The following LRRC19 variants were observed in gnomAD, a reference collection of about 807,000 sequenced individuals.
LRRC19 encodes leucine-rich repeat-containing protein 19.
LRRC19 carries 33 observed loss-of-function variants against 33.3 expected under a neutral mutation model. That is an observed-to-expected ratio of 0.99 (90% CI 0.75 to 1.33). The LOEUF (loss-of-function observed/expected upper bound fraction) is 1.33, where lower values mean the gene tolerates loss of function less well. Among genes scored for constraint, LRRC19 ranks in the 40% most tolerant of loss-of-function variants. The probability of loss-of-function intolerance (pLI) is 0.00; values close to 1 mark genes in which losing one functional copy is unlikely to be tolerated. For missense variants in LRRC19, 463 were observed against 417.3 expected, an observed-to-expected ratio of 1.11 and a Z score of -0.95; for synonymous variants, 184 against 152.3, an observed-to-expected ratio of 1.21 and a Z score of -1.53.
chr9:26,996,377 T>A lies in LRRC19; in HGVS notation c.718A>T (p.Ile240Phe). Residue 240 changes from isoleucine to phenylalanine, a missense_variant, in exon 4 of 5, where the codon ATT (isoleucine) becomes TTT (phenylalanine). Physicochemically the swap from Ile to Phe is conservative, Grantham distance 21. Transcript: ENST00000380055. ...FPSSVTEDLY[I>F]HFQPISNSIF... is the part of the protein sequence containing the mutation. ...GAATTGCTGATGGGCTGAAAATGAA[T>A]ATAAAGATCTTCAGTTACTGATGAA... 1.2e-6 allele frequency: 2 copies of A among 1,609,590 alleles called. No individual in the cohort carries two copies. The highest frequency in any genetic ancestry group is 1.7e-6 in the Non-Finnish European group (2 of 1,177,152).
rs760138937 is a variant in LRRC19, at chr9:26,993,541, T to A, written c.*1980A>T. 5 of 152,602 alleles carry A rather than the reference T, an allele frequency of 3.3e-5. No homozygotes were observed. The highest frequency in any genetic ancestry group is 7.4e-5 in the Non-Finnish European group (5 of 68,020). 9.5% of individuals were successfully genotyped at this position (152,602 alleles called of 1,614,324 possible). A position where few individuals can be genotyped will look rare whatever the true frequency, so the allele number is the denominator to read the frequency against. The stretch of plus-strand genomic sequence containing the variant: ...TTTATTTTCTCTCAGTAGACATTTG[T>A]ATTGAATTTACTAATTATGTAACTT... On this transcript the variant is annotated 3_prime_UTR_variant, in exon 5 of 5. Coordinates refer to ENST00000380055, the MANE Select transcript of LRRC19 (RefSeq NM_022901.3).
chr9:27,002,934 A>G (rs373112389), intron 1 of LRRC19, among the ~76,000 whole-genome samples: 1 of 150,396 alleles, frequency 6.6e-6, no homozygotes, highest in Non-Finnish European at 1.5e-5. Flanking sequence ...TTATATTTCC[A>G]TTTTTTTTTG....
intron 3 of LRRC19, among the ~76,000 whole-genome samples, chr9:26,996,770 A>T (rs10967650): frequency 0.093 from 14,203 of 152,178 alleles, 1,715 homozygotes; most frequent in East Asian, 0.65. Flanking sequence ...CATGGTTACA[A>T]TCTGGATCTC....
At chr9:27,001,455 C>T (rs766013260) in intron 1 of LRRC19, among the ~76,000 whole-genome samples, 11 of 152,270 alleles carry the variant, frequency 7.2e-5, no homozygotes, top group African/African-American at 1.2e-4. Flanking sequence ...TTCTCCACAT[C>T]GTCACCAGCA....
Position 26,995,362 on chromosome 9 carries a change from C to G in LRRC19, c.*159G>C. Reference sequence around the variant, plus strand: ...CAGTTACTGTATTTGAACCTGCTTGCTCAATATAATGCAAAGAACATAATT... The same window carrying G: ...CAGTTACTGTATTTGAACCTGCTTGGTCAATATAATGCAAAGAACATAATT... On this transcript the variant is annotated 3_prime_UTR_variant, in exon 5 of 5. Coordinates refer to ENST00000380055, the MANE Select transcript of LRRC19 (RefSeq NM_022901.3). 1 of 561,546 alleles carries G rather than the reference C, an allele frequency of 1.8e-6. No individual in the cohort carries two copies. The highest frequency in any genetic ancestry group is 3.2e-6 in the Non-Finnish European group (1 of 316,258). 34.8% of individuals were successfully genotyped at this position (561,546 alleles called of 1,614,324 possible).
At chr9:27,003,260 C>T (rs1828597548) in intron 1 of LRRC19, among the ~76,000 whole-genome samples, 1 of 151,924 alleles carries the variant, frequency 6.6e-6, no homozygotes, top group African/African-American at 2.4e-5. Context: ...CAGTGGCTCA[C>T]GCCTGTAATC....
At position 26,994,192 on chromosome 9, in the gene LRRC19, C is replaced by G. The variant is rs1203059447; in HGVS notation, c.*1329G>C. Reference sequence around the variant, plus strand: ...TTTGAGAAATTTTTAATACTTTGCTCTTGAATAATCAGAGAGCAGTTTAGC... The same window carrying G: ...TTTGAGAAATTTTTAATACTTTGCTGTTGAATAATCAGAGAGCAGTTTAGC... On this transcript the variant is annotated 3_prime_UTR_variant, in exon 5 of 5. Transcript: ENST00000380055. 2.0e-5 allele frequency: 3 copies of G among 152,102 alleles called. No individual in the cohort carries two copies. Among genetic ancestry groups the G allele is most frequent in the Admixed American group, 1.3e-4 (2 of 15,254 alleles). The allele number at this position is 152,102 out of a possible 1,614,324, so 9.4% of individuals were successfully genotyped here. A position where few individuals can be genotyped will look rare whatever the true frequency, so the allele number is the denominator to read the frequency against.
At chr9:27,000,798 C>A (rs964639559) in intron 1 of LRRC19, among the ~76,000 whole-genome samples, 3 of 152,096 alleles carry the variant, frequency 2.0e-5, no homozygotes, top group African/African-American at 4.8e-5. Flanking sequence ...ATGTAACAAA[C>A]CTGCATAACC....
chr9:27,005,424 A>G (rs1046895674), intron 1 of LRRC19, among the ~76,000 whole-genome samples, 168 bp downstream of exon 1: 4 of 127,496 alleles, frequency 3.1e-5, no homozygotes, highest in African/African-American at 9.0e-5. Flanking sequence ...CCCTTTGGCC[A>G]TGTCTCAGGT....
intron 4 of LRRC19, 142 bp from the exon 5 acceptor site, chr9:26,995,991 G>A: frequency 1.5e-6 from 1 of 676,194 alleles, no homozygotes; most frequent in East Asian, 2.8e-5. Flanking sequence ...TTGTTTGGTG[G>A]ATGAATTCTC....
At chr9:27,000,247 G>A (rs1828405430) in intron 1 of LRRC19, among the ~76,000 whole-genome samples, 1 of 152,050 alleles carries the variant, frequency 6.6e-6, no homozygotes, top group Non-Finnish European at 1.5e-5. Context: ...TGTCTCATTA[G>A]TTTCTAGATC....
chr9:26,997,653 G>A (rs570639657), intron 3 of LRRC19, 75 bp downstream of exon 3: 26 of 1,459,138 alleles, frequency 1.8e-5, no homozygotes, highest in Middle Eastern at 2.5e-4. Context: ...TCTTTAAAAC[G>A]TGATATGAGA....
chr9:27,005,130 A>AT lies in LRRC19; in HGVS notation c.-10+461dup, dbSNP rs532680245. Among the ~76,000 whole-genome samples the AT allele has an allele frequency of 5.7e-3, 863 of 152,130 alleles. 10 individuals are homozygous for AT. Among genetic ancestry groups the AT allele is most frequent in the African/African-American group, 0.019 (809 of 41,516 alleles). ...GTTTCCTTATTTAACTATTGTGTAG[A>AT]TTTTTTTCAGATTTAAAACCTTTTT... On this transcript the variant is annotated intron_variant, in intron 1 of 4. Coordinates refer to ENST00000380055, the MANE Select transcript of LRRC19 (RefSeq NM_022901.3).
intron 3 of LRRC19, 107 bp downstream of exon 3, chr9:26,997,620 CA>C: frequency 8.5e-7 from 1 of 1,182,162 alleles, no homozygotes; most frequent in South Asian, 1.6e-5. Context: ...AGGCATGAGC[CA>C]CTGCGCCTGG....
chr9:26,998,060 A>T lies in LRRC19; in HGVS notation c.263T>A (p.Leu88Ter). 6.2e-7 allele frequency: 1 copy of T among 1,613,180 alleles called. No homozygotes were observed. Among genetic ancestry groups the T allele is most frequent in the Non-Finnish European group, 8.5e-7 (1 of 1,179,276 alleles). ...GAGGTTACCAAAACCGTTATTATGT[A>T]AGATAGTAACCTTGTTCTCAATCAA... is the stretch of plus-strand genomic sequence containing the variant. ...LYLIENKVTI[L>*]HNNGFGNLSS... Residue 88 changes from leucine to a stop codon, truncating the protein, a stop_gained, in exon 3 of 5, where the codon TTA becomes TAA. Transcript: ENST00000380055. LOFTEE classifies it high-confidence loss of function.
intron 1 of LRRC19, among the ~76,000 whole-genome samples, chr9:27,001,761 G>A (rs1260682536): frequency 6.6e-6 from 1 of 151,744 alleles, no homozygotes; most frequent in South Asian, 2.1e-4. Context: ...TTCTCATTCC[G>A]TGGGTTGTCT....
At chr9:26,999,770 CT>C (rs1179000269) in intron 1 of LRRC19, 67 bp from the exon 2 acceptor site, 49,578 of 337,366 alleles carry the variant, frequency 0.15, 11 homozygotes, top group South Asian at 0.17. Context: ...TCTGTTTATT[CT>C]TTTTTTTTTT....
At position 26,999,640 on chromosome 9, in the gene LRRC19, A is replaced by T; in HGVS notation, c.55T>A (p.Ser19Thr). The T allele has an allele frequency of 6.2e-7, 1 of 1,608,834 alleles. No homozygotes were observed. The highest frequency in any genetic ancestry group is 8.5e-7 in the Non-Finnish European group (1 of 1,177,656). Residue 19 changes from serine to threonine, a missense_variant, in exon 2 of 5, where the codon TCA becomes ACA. Ser to Thr is a moderately conservative substitution (Grantham distance 58). Coordinates refer to ENST00000380055, the MANE Select transcript of LRRC19 (RefSeq NM_022901.3). ...CTTTTAGAAGACTGGATTTTGTCTGATAATAATATCATGGAGAGGGGCCAA... is the reference window on the plus strand; with the variant it reads ...CTTTTAGAAGACTGGATTTTGTCTGTTAATAATATCATGGAGAGGGGCCAA... ...LFWPLSMILL[S>T]DKIQSSKREV...
At chr9:27,003,205 G>T (rs901541236) in intron 1 of LRRC19, among the ~76,000 whole-genome samples, 2 of 147,568 alleles carry the variant, frequency 1.4e-5, no homozygotes, top group Non-Finnish European at 3.0e-5. Context: ...TTTAGGGTTT[G>T]TTTTTTTTTT....
Sources: gnomAD v4.1 joint callset for allele counts (sites outside exome capture counted in the v4.1 genomes callset) on GRCh38, gnomAD v4.1.1 for gene constraint, MANE v1.5 for transcripts, NCBI Gene and HGNC (gene_info 2026-07-23, HGNC 2026-07-21) for gene names.